Variants in USP7 observed in about 807,000 individuals in gnomAD.
USP7 encodes ubiquitin C-terminal hydrolase 7.
A neutral mutation model predicts 162.9 loss-of-function variants in USP7; 9 were observed. The observed-to-expected ratio is 0.06, with a 90% CI of 0.03 to 0.10. The LOEUF is 0.10. USP7 is among the 10% of genes least tolerant of loss of function. The pLI, the probability that USP7 is intolerant of heterozygous loss-of-function variation, is 1.00. For missense variants in USP7, 715 were observed against 1,373.7 expected, an observed-to-expected ratio of 0.52 and a Z score of 7.58; for synonymous variants, 562 against 475.9, an observed-to-expected ratio of 1.18 and a Z score of -2.35.
intron 2 of USP7, 60 bp downstream of exon 2, chr16:8,930,233 C>G (rs540081250): frequency 1.4e-4 from 186 of 1,356,556 alleles, no homozygotes; most frequent in African/African-American, 2.2e-4. Flanking sequence ...AAGCATGGAT[C>G]TGAACCTGTT....
intron 2 of USP7, among the ~76,000 whole-genome samples, chr16:8,924,994 T>C (rs1467031031): frequency 6.6e-6 from 1 of 152,232 alleles, no homozygotes; most frequent in Admixed American, 6.5e-5. Flanking sequence ...AGAAGTCTAC[T>C]AAAAGGCAAG....
At position 8,930,325 on chromosome 16, in the gene USP7, C is replaced by G; in HGVS notation, c.152G>C (p.Gly51Ala). The G allele has an allele frequency of 6.2e-7, 1 of 1,613,724 alleles. No individual in the cohort carries two copies. Among genetic ancestry groups the G allele is most frequent in the African/African-American group, 1.3e-5 (1 of 75,014 alleles). ...CATGTCCTCCTCCGCGGTGTTGTGT[C>G]CATCACTCAGGGCCACATTCCCATT... The part of the protein sequence containing the change: ...VINGNVALSD[G>A]HNTAEEDMED... The change falls in exon 2 of 31, where the codon GGA (glycine) becomes GCA (alanine). Residue 51 changes from glycine (G) to alanine (A), a missense_variant. Coordinates refer to ENST00000344836, the MANE Select transcript of USP7 (RefSeq NM_003470.3).
intron 1 of USP7, among the ~76,000 whole-genome samples, chr16:8,962,244 C>G (rs531302270): frequency 1.3e-5 from 2 of 152,258 alleles, no homozygotes; most frequent in African/African-American, 4.8e-5. Context: ...ATTTGACTCC[C>G]GACAGCCTGA....
intron 22 of USP7, 145 bp downstream of exon 22, chr16:8,899,459 G>A (rs2061741064): frequency 9.4e-7 from 1 of 1,059,744 alleles, no homozygotes; most frequent in East Asian, 2.5e-5. Flanking sequence ...AAGGCAGAGA[G>A]CCTGAATCCA....
At chr16:8,949,590 A>G (rs1245511434) in intron 1 of USP7, 1 of 152,380 alleles carries the variant, frequency 6.6e-6, no homozygotes, top group Non-Finnish European at 1.5e-5. Context: ...AGCCTACTTT[A>G]AGGCCCACCA....
chr16:8,909,588 C>T (rs1280935847), intron 11 of USP7, among the ~76,000 whole-genome samples: 4 of 152,196 alleles, frequency 2.6e-5, no homozygotes, highest in Non-Finnish European at 5.9e-5. Context: ...CAGTAATTCT[C>T]GTCAACAGAC....
chr16:8,919,555 A>C (rs6498252), intron 5 of USP7, among the ~76,000 whole-genome samples: 1 of 152,196 alleles, frequency 6.6e-6, no homozygotes, highest in Admixed American at 6.5e-5. Context: ...GAAGAAACAG[A>C]AGTGTGTATT....
At chr16:8,907,856 T>G (rs779435090) in intron 12 of USP7, among the ~76,000 whole-genome samples, 6 of 152,154 alleles carry the variant, frequency 3.9e-5, no homozygotes, top group Non-Finnish European at 8.8e-5. Flanking sequence ...AAATAACTAC[T>G]TGTAACTGGC....
Position 8,901,165 on chromosome 16 carries a change from T to C in USP7, c.2117A>G (p.Tyr706Cys). The part of the protein sequence containing the change: ...TRSLNYCGHI[Y>C]TPISCKIRDL... ...ACGTATTTTACAGGATATTGGTGTG[T>C]AGATATGCCCACAGTAATTCAAGCT... is the stretch of plus-strand genomic sequence containing the variant. Residue 706 changes from tyrosine (Y) to cysteine (C), a missense_variant, in exon 19 of 31, where the codon TAC becomes TGC. Tyr to Cys is a radical substitution (Grantham distance 194). Around this residue, in one of 11 missense-constraint regions of USP7, gnomAD observed 197 missense variants for 306.5 expected, o/e 0.64. Coordinates refer to ENST00000344836, the MANE Select transcript of USP7 (RefSeq NM_003470.3). 1 of 1,614,020 alleles carries C rather than the reference T, an allele frequency of 6.2e-7. No homozygotes were observed. The highest frequency in any genetic ancestry group is 8.5e-7 in the Non-Finnish European group (1 of 1,179,898).
Position 8,899,590 on chromosome 16 carries a change from C to T in USP7, c.2463+14G>A, listed in dbSNP as rs1276767950. 2.5e-6 allele frequency: 4 copies of T among 1,612,492 alleles called. No individual in the cohort carries two copies. Among genetic ancestry groups the T allele is most frequent in the East Asian group, 2.2e-5 (1 of 44,866 alleles). ...GAGTGGGATCTGAAGAGGAAAGGAG[C>T]ATTTATTAAATACCTGAAAATAATT... On this transcript the variant is annotated intron_variant, in intron 22 of 30. Transcript: ENST00000344836.
intron 1 of USP7, among the ~76,000 whole-genome samples, chr16:8,945,458 CA>C (rs746988137): frequency 1.1e-4 from 16 of 152,248 alleles, no homozygotes; most frequent in Middle Eastern, 3.4e-3. Context: ...TTTATTTGTT[CA>C]TGGGTTAGTG....
rs138273658 is a variant in USP7, at chr16:8,962,378, T to C, written c.79+829A>G. The C allele has an allele frequency of 3.8e-4, 103 of 272,012 alleles. 1 individual carries two copies. The highest frequency in any genetic ancestry group is 2.6e-3 in the Middle Eastern group (6 of 2,350). 16.8% of individuals were successfully genotyped at this position (272,012 alleles called of 1,614,324 possible). A position where few individuals can be genotyped will look rare whatever the true frequency, so the allele number is the denominator to read the frequency against. On this transcript the variant is annotated intron_variant, in intron 1 of 30. Transcript: ENST00000344836. Reference sequence around the variant, plus strand: ...TCCCTAAATCCAACACCCTTCTCTTTACAGCGTCTTCACATCCAACCTTTA... The same window carrying C: ...TCCCTAAATCCAACACCCTTCTCTTCACAGCGTCTTCACATCCAACCTTTA...
chr16:8,960,869 C>A (rs141526086), intron 1 of USP7, among the ~76,000 whole-genome samples: 1 of 152,178 alleles, frequency 6.6e-6, no homozygotes, highest in Admixed American at 6.5e-5. Context: ...AAACCACACA[C>A]CAGTGGGTAC....
chr16:8,917,874 C>T (rs1207463516), intron 6 of USP7, among the ~76,000 whole-genome samples: 1 of 152,066 alleles, frequency 6.6e-6, no homozygotes, highest in Non-Finnish European at 1.5e-5. Context: ...ACTGCAATCT[C>T]CGCCTCCCAG....
intron 1 of USP7, 47 bp from the exon 2 acceptor site, chr16:8,930,444 T>A: frequency 7.1e-7 from 1 of 1,399,696 alleles, no homozygotes; most frequent in Non-Finnish European, 9.9e-7. Context: ...TTCATGGCTT[T>A]AATAGAATAA....
chr16:8,926,795 T>C (rs551293495), intron 2 of USP7, among the ~76,000 whole-genome samples: 1 of 152,268 alleles, frequency 6.6e-6, no homozygotes, highest in Non-Finnish European at 1.5e-5. Flanking sequence ...CATGCTTCTT[T>C]TTACTGTAAA....
chr16:8,921,949 T>G (rs1009701797), intron 3 of USP7, among the ~76,000 whole-genome samples: 2 of 152,190 alleles, frequency 1.3e-5, no homozygotes, highest in Non-Finnish European at 2.9e-5. Flanking sequence ...CTGAAATGGT[T>G]TGACTCTTCA....
intron 16 of USP7, among the ~76,000 whole-genome samples, 162 bp from the exon 17 acceptor site, chr16:8,902,644 C>G (rs1259248145): frequency 1.3e-5 from 2 of 152,078 alleles, no homozygotes; most frequent in East Asian, 1.9e-4. Flanking sequence ...AATCCCAGCA[C>G]TTTCGGAGGC....
intron 1 of USP7, chr16:8,936,699 A>G (rs1214183260): frequency 3.4e-6 from 5 of 1,469,200 alleles, no homozygotes; most frequent in Non-Finnish European, 4.5e-6. Context: ...AATCTCTAGG[A>G]GCTCTACCTC....
Sources: gnomAD v4.1 joint callset for allele counts (sites outside exome capture counted in the v4.1 genomes callset) on GRCh38, gnomAD v4.1.1 for gene constraint, gnomAD v4.1.1 regional missense constraint, MANE v1.5 for transcripts, NCBI Gene and HGNC (gene_info 2026-07-23, HGNC 2026-07-21) for gene names.